The following OGFOD2 variants were observed in gnomAD, a reference collection of about 807,000 sequenced individuals.
OGFOD2 encodes the protein 2-oxoglutarate and iron dependent oxygenase domain containing 2.
OGFOD2 carries 34 observed loss-of-function variants against 31.1 expected under a neutral mutation model. The ratio of observed to expected loss-of-function variants is 1.09; its 90% CI spans 0.83 to 1.45. The LOEUF is 1.45. Among genes scored for constraint, OGFOD2 ranks in the 40% most tolerant of loss-of-function variants. The probability of loss-of-function intolerance (pLI) is 0.00; values close to 1 mark genes in which losing one functional copy is unlikely to be tolerated. For missense variants in OGFOD2, 537 were observed against 433.9 expected, an observed-to-expected ratio of 1.24 and a Z score of -2.11; for synonymous variants, 240 against 192.3, an observed-to-expected ratio of 1.25 and a Z score of -2.05.
chr12:122,979,421 TC>T (rs2037550090), exon 7 of OGFOD2: 4 of 1,488,972 alleles, frequency 2.7e-6, no homozygotes, highest in Non-Finnish European at 3.6e-6. Context: ...AGAAATAAAA[TC>T]CCCGCAGCCT....
rs2037545289 is a variant in OGFOD2 at position 122,979,305 on chromosome 12, CGA to C, written c.1016_1017del (p.Glu339GlyfsTer25). On this transcript the variant is annotated frameshift_variant, in exon 7 of 7. Transcript: ENST00000228922. LOFTEE classifies it high-confidence loss of function. ...TGAGGGCTTCGGTGATGGCTTCACC[CGA>C]GAGGAGCCCGCCACGGTGGATGTAT... 1.9e-6 allele frequency: 3 copies of C among 1,612,368 alleles called. No homozygotes were observed. The highest frequency in any genetic ancestry group is 1.1e-5 in the South Asian group (1 of 91,066).
intron 2 of OGFOD2, 185 bp downstream of exon 2, chr12:122,976,052 A>C (rs1240472639): frequency 3.3e-6 from 2 of 601,098 alleles, no homozygotes; most frequent in Non-Finnish European, 6.0e-6. Context: ...GAGAAGGGGA[A>C]ATGCTAAGTT....
rs374272422 is a variant in OGFOD2 at position 122,978,306 on chromosome 12, C to T, written c.404-136C>T. ...GCCTCCCCTGCTCCTCATGTTACTT[C>T]CTTAAGTCATCACAATAGCCCTGAA... On this transcript the variant is annotated intron_variant, in intron 4 of 6. Coordinates refer to ENST00000228922, the Ensembl canonical transcript of OGFOD2. 133 of 1,102,858 alleles carry T rather than the reference C, an allele frequency of 1.2e-4. 2 individuals are homozygous for T. The highest frequency in any genetic ancestry group is 9.4e-4 in the East Asian group (36 of 38,236). 68.3% of individuals were successfully genotyped at this position (1,102,858 alleles called of 1,614,324 possible). A position where few individuals can be genotyped will look rare whatever the true frequency, so the allele number is the denominator to read the frequency against.
intron 2 of OGFOD2, chr12:122,976,441 G>T: frequency 6.2e-7 from 1 of 1,609,414 alleles, no homozygotes; most frequent in Non-Finnish European, 8.5e-7. Context: ...GCTCAGGTTG[G>T]GGCAGCCTGA....
chr12:122,979,002 C>T (rs747849193), exon 6 of OGFOD2: 42 of 1,612,584 alleles, frequency 2.6e-5, no homozygotes, highest in Non-Finnish European at 1.6e-5. Flanking sequence ...TTTTGGGGGC[C>T]TCTTCCAGGT....
exon 7 of OGFOD2, chr12:122,979,091 A>G: frequency 6.3e-7 from 1 of 1,597,414 alleles, no homozygotes; most frequent in Admixed American, 1.7e-5. Context: ...AGGCACCCAC[A>G]GCCCTGACGG....
chr12:122,975,416 G>A (rs1460820956), intron 1 of OGFOD2, 33 bp downstream of exon 1: 15 of 670,314 alleles, frequency 2.2e-5, no homozygotes, highest in Non-Finnish European at 4.1e-5. Flanking sequence ...ACGGAGCAGT[G>A]GGCAGAGAGG....
At chr12:122,979,555 A>G (rs1416786831) in exon 7 of OGFOD2, 11 of 646,982 alleles carry the variant, frequency 1.7e-5, no homozygotes, top group Non-Finnish European at 2.1e-5. Flanking sequence ...GAGTCAGGGA[A>G]GCAGGGGAGG....
intron 4 of OGFOD2, 95 bp from the exon 5 acceptor site, chr12:122,978,347 C>T (rs2037494128): frequency 1.3e-6 from 2 of 1,509,854 alleles, no homozygotes; most frequent in Admixed American, 1.9e-5. Flanking sequence ...AAGGCCTCAT[C>T]TCCATGGCAC....
chr12:122,976,913 A>G, exon 4 of OGFOD2: 6 of 1,613,378 alleles, frequency 3.7e-6, no homozygotes, highest in South Asian at 1.1e-5. Flanking sequence ...GACTGAGTAC[A>G]GCGTGTCCCC....
At chr12:122,976,909 G>C in exon 4 of OGFOD2, 1 of 1,613,188 alleles carries the variant, frequency 6.2e-7, no homozygotes, top group South Asian at 1.1e-5. Flanking sequence ...CCGTGACTGA[G>C]TACAGCGTGT....
chr12:122,975,304 C>A, exon 1 of OGFOD2: 1 of 702,118 alleles, frequency 1.4e-6, no homozygotes, highest in Non-Finnish European at 2.6e-6. Context: ...TGCTTCTGCA[C>A]CGATAACTTG....
upstream of OGFOD2, chr12:122,975,071 G>A (rs2037367022): frequency 1.0e-5 from 5 of 481,992 alleles, no homozygotes; most frequent in Non-Finnish European, 7.5e-6. Context: ...GAGGCCGCCG[G>A]TCCCAACCCG....
At position 122,978,734 on chromosome 12, in the gene OGFOD2, C is replaced by A; in HGVS notation, c.532-19C>A. On this transcript the variant is annotated intron_variant, in intron 5 of 6. Transcript: ENST00000228922. ...GCAGCCCTCTAGTTTCCTTGCTGAC[C>A]CCAGGAATCCCCTCCCAGGTGCTGC... 1.2e-6 allele frequency: 2 copies of A among 1,601,138 alleles called. No individual in the cohort carries two copies. The highest frequency in any genetic ancestry group is 8.5e-7 in the Non-Finnish European group (1 of 1,172,378).
Position 122,976,593 on chromosome 12 carries a change from C to T in OGFOD2, c.190-61C>T, listed in dbSNP as rs775727552. On this transcript the variant is annotated intron_variant, in intron 2 of 6. Transcript: ENST00000228922. ...GCGTTCTGGGCTTCAGTTTCTTCAT[C>T]TGTACAGTGGCCTCAGGAGGATGGG... is the stretch of plus-strand genomic sequence containing the variant. The T allele has an allele frequency of 9.6e-6, 13 of 1,354,896 alleles. No homozygotes were observed. In the Admixed American group the frequency reaches 2.2e-4, roughly 23 times the overall value. 83.9% of individuals were successfully genotyped at this position (1,354,896 alleles called of 1,614,324 possible). A position where few individuals can be genotyped will look rare whatever the true frequency, so the allele number is the denominator to read the frequency against.
intron 2 of OGFOD2, 96 bp from the exon 3 acceptor site, chr12:122,976,558 G>A (rs1350206468): frequency 5.4e-6 from 7 of 1,292,584 alleles, no homozygotes; most frequent in Non-Finnish European, 7.8e-6. Flanking sequence ...TCCAGCCTGG[G>A]CCCTGTCTGG....
exon 7 of OGFOD2, chr12:122,979,218 G>C: frequency 1.2e-6 from 2 of 1,612,584 alleles, no homozygotes; most frequent in Non-Finnish European, 1.7e-6. Flanking sequence ...CTGGCTCCGA[G>C]CCTCTGCTGT....
chr12:122,978,489 C>A (rs1435353256), exon 5 of OGFOD2: 1 of 1,613,612 alleles, frequency 6.2e-7, no homozygotes, highest in South Asian at 1.1e-5. Flanking sequence ...GCCCTTCTGC[C>A]AGGCCCTGCT....
intron 3 of OGFOD2, 46 bp from the exon 4 acceptor site, chr12:122,976,825 G>GGCTGGGGGTGCTGCCTGCCCCACA: frequency 6.3e-7 from 1 of 1,596,648 alleles, no homozygotes; most frequent in Non-Finnish European, 8.6e-7. Flanking sequence ...TAGCATCCAG[G>GGCTGGGGGTGCTGCCTGCCCCACA]GCTGGGGGTG....
Sources: allele counts gnomAD v4.1 joint callset, GRCh38; gene constraint gnomAD v4.1.1; transcripts MANE v1.5; gene names NCBI Gene and HGNC (gene_info 2026-07-23, HGNC 2026-07-21).